LTBP1: variants seen among roughly 807,000 people sequenced by gnomAD.
LTBP1 encodes latent transforming growth factor beta binding protein 1.
LTBP1 carries 129 observed loss-of-function variants against 207.6 expected under a neutral mutation model. The ratio of observed to expected loss-of-function variants is 0.62; its 90% CI spans 0.54 to 0.72. LTBP1 has a LOEUF of 0.72. LTBP1 is among the 30% of genes least tolerant of loss of function. LTBP1 has a pLI of 0.00. For synonymous variants in LTBP1, 963 were observed against 833.7 expected, an observed-to-expected ratio of 1.16 and a Z score of -2.67; for missense variants, 2,281 against 2,217.2, an observed-to-expected ratio of 1.03 and a Z score of -0.58.
intron 5 of LTBP1, among the ~76,000 whole-genome samples, chr2:33,180,266 T>C (rs1027402316): frequency 1.3e-5 from 2 of 152,132 alleles, no homozygotes; most frequent in Non-Finnish European, 2.9e-5. Context: ...CCACATTCCA[T>C]AGGGACAAAA....
chr2:33,397,506 C>CTTTTTTTTTTTT (rs35219261), intron 33 of LTBP1, among the ~76,000 whole-genome samples: 1 of 112,116 alleles, frequency 8.9e-6, no homozygotes, highest in Non-Finnish European at 1.7e-5. Flanking sequence ...TACCACAATT[C>CTTTTTTTTTTTT]TTTTTTTTTT....
At chr2:33,118,190 C>CAAA (rs1399685000) in intron 4 of LTBP1, among the ~76,000 whole-genome samples, 1 of 81,402 alleles carries the variant, frequency 1.2e-5, no homozygotes, top group Non-Finnish European at 2.4e-5. Context: ...AACTTGTGTG[C>CAAA]AAAAAAAAAA....
At chr2:32,959,615 A>T (rs180963501) in intron 2 of LTBP1, among the ~76,000 whole-genome samples, 7,542 of 36,064 alleles carry the variant, frequency 0.21, 625 homozygotes, top group Non-Finnish European at 0.31. Context: ...ATATATATAT[A>T]TATATATTTT....
At chr2:33,048,786 C>T (rs1473866306) in intron 3 of LTBP1, among the ~76,000 whole-genome samples, 1 of 151,976 alleles carries the variant, frequency 6.6e-6, no homozygotes. Flanking sequence ...ATTAAATAGC[C>T]AAAAAATCTT....
chr2:33,005,851 T>C (rs748404873), intron 2 of LTBP1, among the ~76,000 whole-genome samples: 3 of 152,136 alleles, frequency 2.0e-5, no homozygotes, highest in Non-Finnish European at 4.4e-5. Context: ...CCTCCCAGAC[T>C]GTTAGGATTA....
At chr2:32,947,851 G>A in intron 1 of LTBP1, 33 bp downstream of exon 1, 1 of 1,276,168 alleles carries the variant, frequency 7.8e-7, no homozygotes, top group Non-Finnish European at 1.0e-6. Flanking sequence ...CCGCCCGCCC[G>A]CCTCGCGCGC....
At chr2:33,330,477 A>G (rs769476747) in intron 24 of LTBP1, among the ~76,000 whole-genome samples, 6 of 151,266 alleles carry the variant, frequency 4.0e-5, no homozygotes, top group Non-Finnish European at 7.4e-5. Context: ...GATGCTTGCC[A>G]TAGGTTTTTT....
chr2:33,254,663 T>A, intron 11 of LTBP1, among the ~76,000 whole-genome samples: 1 of 146,870 alleles, frequency 6.8e-6, no homozygotes, highest in East Asian at 2.0e-4. Flanking sequence ...TGGTTACATA[T>A]GTATACATGT....
At chr2:33,068,852 C>G (rs1190016148) in intron 3 of LTBP1, among the ~76,000 whole-genome samples, 1 of 152,166 alleles carries the variant, frequency 6.6e-6, no homozygotes, top group African/African-American at 2.4e-5. Context: ...TAAGTACCCT[C>G]TATGATACCC....
chr2:33,182,703 C>T (rs1049473961), intron 5 of LTBP1, among the ~76,000 whole-genome samples: 4,806 of 48,232 alleles, frequency 0.1, 712 homozygotes, highest in Middle Eastern at 0.19. Flanking sequence ...TATATATACA[C>T]ACACACACAC....
chr2:33,270,804 C>T (rs1008252569), intron 15 of LTBP1, among the ~76,000 whole-genome samples: 7 of 152,080 alleles, frequency 4.6e-5, no homozygotes, highest in Non-Finnish European at 7.3e-5. Flanking sequence ...TTACATGTAA[C>T]GTGATCCTGA....
intron 31 of LTBP1, among the ~76,000 whole-genome samples, chr2:33,388,193 C>T (rs1165020335): frequency 1.3e-5 from 2 of 152,094 alleles, no homozygotes; most frequent in African/African-American, 4.8e-5. Context: ...AAATCCTGTG[C>T]ACTGGTGGGT....
At chr2:33,122,085 G>T (rs1572729928) in intron 4 of LTBP1, among the ~76,000 whole-genome samples, 1 of 150,670 alleles carries the variant, frequency 6.6e-6, no homozygotes, top group Admixed American at 6.6e-5. Context: ...TGGATTTTGC[G>T]TGTCCCCTTG....
chr2:32,984,244 C>T (rs1272670535), intron 2 of LTBP1, among the ~76,000 whole-genome samples: 1 of 152,242 alleles, frequency 6.6e-6, no homozygotes, highest in African/African-American at 2.4e-5. Flanking sequence ...TAGTGATCAT[C>T]TCATTCGACT....
At position 33,342,845 on chromosome 2, in the gene LTBP1, T is replaced by G. The variant is rs1420417799; in HGVS notation, c.3738T>G (p.Asp1246Glu). 6.2e-7 allele frequency: 1 copy of G among 1,613,532 alleles called. No individual in the cohort carries two copies. The highest frequency in any genetic ancestry group is 1.3e-5 in the African/African-American group (1 of 74,926). Residue 1246 changes from aspartate (D) to glutamate (E), a missense_variant, in exon 25 of 34, where the codon GAT becomes GAG. By Grantham distance (45) the Asp-to-Glu change is conservative (BLOSUM62 2). Around this residue, in one of 3 missense-constraint regions of LTBP1, gnomAD observed 1,671 missense variants for 1,634.8 expected, o/e 1.02. Transcript: ENST00000404816. ...TCCATGTCTTTTTTGCAGATATTGATGAATGTGTAAACAACACTGTTTGTG... is the reference window on the plus strand; with the variant it reads ...TCCATGTCTTTTTTGCAGATATTGAGGAATGTGTAAACAACACTGTTTGTG... ...SADGRTCEDI[D>E]ECVNNTVCDS...
chr2:33,283,061 CAA>C (rs201168175), intron 19 of LTBP1, among the ~76,000 whole-genome samples: 8 of 49,468 alleles, frequency 1.6e-4, no homozygotes, highest in South Asian at 6.8e-4. Context: ...GACTCCATCT[CAA>C]AAAAAAAAAA....
At chr2:33,226,287 T>C (rs558350730) in intron 9 of LTBP1, among the ~76,000 whole-genome samples, 32 of 152,344 alleles carry the variant, frequency 2.1e-4, no homozygotes, top group African/African-American at 7.2e-4. Context: ...CTTGCTTCTT[T>C]TCTACATTCT....
intron 7 of LTBP1, among the ~76,000 whole-genome samples, chr2:33,206,551 C>T (rs58774073): frequency 0.43 from 65,542 of 151,632 alleles, 14,729 homozygotes; most frequent in Non-Finnish European, 0.49. Flanking sequence ...CCATCCTGGC[C>T]GACACGGTGA....
chr2:33,014,239 A>G (rs996176639), intron 2 of LTBP1, among the ~76,000 whole-genome samples: 4 of 152,186 alleles, frequency 2.6e-5, no homozygotes, highest in African/African-American at 9.7e-5. Context: ...ACTGGATAGA[A>G]AAGGCATTGG....
Sources: gnomAD v4.1 joint callset for allele counts (sites outside exome capture counted in the v4.1 genomes callset) on GRCh38, gnomAD v4.1.1 for gene constraint, gnomAD v4.1.1 regional missense constraint, MANE v1.5 for transcripts, NCBI Gene and HGNC (gene_info 2026-07-23, HGNC 2026-07-21) for gene names.